PHACTR3: variants seen among roughly 807,000 people sequenced by gnomAD.
PHACTR3 encodes protein phosphatase 1, regulatory subunit 123.
In PHACTR3, 16 loss-of-function variants were observed where a neutral mutation model predicts 66.8. The ratio of observed to expected loss-of-function variants is 0.24; its 90% confidence interval spans 0.16 to 0.36. PHACTR3 has a LOEUF of 0.36. PHACTR3 is among the 10% of genes least tolerant of loss of function. PHACTR3 has a pLI of 1.00. For missense variants in PHACTR3, 647 were observed against 719.9 expected (o/e 0.90, Z 1.16); for synonymous variants, 323 against 292.1 (o/e 1.11, Z -1.08).
intron 1 of PHACTR3, among the ~76,000 whole-genome samples, chr20:59,668,736 T>C (rs1568691060): frequency 6.6e-6 from 1 of 152,108 alleles, no homozygotes; most frequent in Admixed American, 6.6e-5. Flanking sequence ...AGTTTCTTTC[T>C]TGTTGCCTAG....
At chr20:59,839,998 CTTTT>C (rs549753064) in intron 9 of PHACTR3, among the ~76,000 whole-genome samples, 1 of 152,080 alleles carries the variant, frequency 6.6e-6, no homozygotes, top group Admixed American at 6.5e-5. Flanking sequence ...TCTACTACAG[CTTTT>C]TTTATGTGGC....
At chr20:59,739,304 C>T (rs1447000397) in intron 1 of PHACTR3, among the ~76,000 whole-genome samples, 1 of 152,152 alleles carries the variant, frequency 6.6e-6, no homozygotes, top group African/African-American at 2.4e-5. Flanking sequence ...CTTTGTGGAG[C>T]ATCTGTGGAC....
rs1045105665 is a variant in PHACTR3, at chr20:59,834,552, T to G, written c.1329-1953T>G. On this transcript the variant is annotated intron_variant, in intron 8 of 12. Transcript: ENST00000371015. Reference sequence around the variant, plus strand: ...CTGTACCAAGTGGATTCTGTGTAACTCTCTCAGAAGTTTCCTCTTCCATGA... The same window carrying G: ...CTGTACCAAGTGGATTCTGTGTAACGCTCTCAGAAGTTTCCTCTTCCATGA... Among the ~76,000 whole-genome samples the G allele has an allele frequency of 2.6e-5, 4 of 152,212 alleles. No homozygotes were observed. The East Asian group carries it at 7.7e-4, about 29-fold the overall frequency.
chr20:59,656,233 T>A (rs1368337643), intron 1 of PHACTR3, among the ~76,000 whole-genome samples: 1 of 151,908 alleles, frequency 6.6e-6, no homozygotes. Flanking sequence ...TATTCATGAG[T>A]GAAAGTGGGA....
At chr20:59,728,607 G>T (rs1211709260) in intron 1 of PHACTR3, among the ~76,000 whole-genome samples, 1 of 151,934 alleles carries the variant, frequency 6.6e-6, no homozygotes, top group Admixed American at 6.6e-5. Flanking sequence ...AACTCCTATT[G>T]ATTTTTTCAA....
At chr20:59,831,293 G>A (rs988482930) in intron 8 of PHACTR3, among the ~76,000 whole-genome samples, 1 of 152,146 alleles carries the variant, frequency 6.6e-6, no homozygotes, top group Non-Finnish European at 1.5e-5. Context: ...CCTCTTCCTG[G>A]CTCCCCAGCC....
rs113124791 is a variant in PHACTR3, at chr20:59,682,784, G to A, written c.119-60323G>A. Among the ~76,000 whole-genome samples, 594 of 152,296 alleles carry A rather than the reference G, an allele frequency of 3.9e-3. 4 individuals carry two copies. The highest frequency in any genetic ancestry group is 0.014 in the African/African-American group (579 of 41,566). On this transcript the variant is annotated intron_variant, in intron 1 of 12. Coordinates refer to ENST00000371015, the MANE Select transcript of PHACTR3 (RefSeq NM_080672.5). ...CCCCGAATAAGAGCCGGCCTGGTGG[G>A]TTCCAGGAACAGGGAGGAGGAGCCC...
chr20:59,722,897 G>A (rs897153896), intron 1 of PHACTR3, among the ~76,000 whole-genome samples: 7 of 152,052 alleles, frequency 4.6e-5, no homozygotes, highest in Non-Finnish European at 4.4e-5. Context: ...TGGGTCCCAC[G>A]TGCTATCAGA....
Position 59,584,422 on chromosome 20 carries a change from G to A in PHACTR3, c.109+6805G>A, listed in dbSNP as rs562511256. Among the ~76,000 whole-genome samples the A allele has an allele frequency of 2.0e-5, 3 of 151,876 alleles. No individual in the cohort carries two copies. The South Asian group carries it at 6.2e-4, about 32-fold the overall frequency. On this transcript the variant is annotated intron_variant, in intron 1 of 12. Coordinates refer to the PHACTR3 transcript ENST00000359926. ...GGAGTGTGCGTGCCTGTGTGTGTAT[G>A]CATGTGTGTGAGGGTGTGAAGCCGT...
chr20:59,841,408 C>T lies in PHACTR3; in HGVS notation c.1460C>T (p.Pro487Leu). The T allele has an allele frequency of 1.2e-6, 2 of 1,611,316 alleles. No homozygotes were observed. Among genetic ancestry groups the T allele is most frequent in the Non-Finnish European group, 1.7e-6 (2 of 1,178,652 alleles). Residue 487 changes from proline to leucine, a missense_variant, in exon 11 of 13, where the codon CCC (proline) becomes CTC (leucine). Coordinates refer to ENST00000371015, the MANE Select transcript of PHACTR3 (RefSeq NM_080672.5). ...QRLTRKLNQR[P>L]TVDELRDRKI... is the part of the protein sequence containing the mutation. Reference sequence around the variant, plus strand: ...CTTTAATTTTAGCTTAATCAGAGACCCACTGTTGATGAATTAAGAGACAGA... The same window carrying T: ...CTTTAATTTTAGCTTAATCAGAGACTCACTGTTGATGAATTAAGAGACAGA...
At chr20:59,589,620 T>G (rs1017672335) in intron 1 of PHACTR3, among the ~76,000 whole-genome samples, 5 of 152,196 alleles carry the variant, frequency 3.3e-5, no homozygotes, top group Non-Finnish European at 5.9e-5. Flanking sequence ...ATCTGTGCTG[T>G]GGTGAGTCCG....
At chr20:59,680,284 G>A (rs1245271443) in intron 1 of PHACTR3, among the ~76,000 whole-genome samples, 1 of 152,176 alleles carries the variant, frequency 6.6e-6, no homozygotes, top group African/African-American at 2.4e-5. Flanking sequence ...GGACTTACAT[G>A]CAGGGAAGAG....
intron 8 of PHACTR3, among the ~76,000 whole-genome samples, chr20:59,806,855 A>G (rs1369384357): frequency 6.6e-6 from 1 of 152,240 alleles, no homozygotes; most frequent in African/African-American, 2.4e-5. Flanking sequence ...CGTACAGCAC[A>G]TGACTCTACC....
Position 59,736,903 on chromosome 20 carries a change from C to A in PHACTR3, c.119-6204C>A, listed in dbSNP as rs1481640667. Among the ~76,000 whole-genome samples the A allele has an allele frequency of 6.6e-6, 1 of 152,154 alleles. No individual in the cohort carries two copies. Among genetic ancestry groups the A allele is most frequent in the Non-Finnish European group, 1.5e-5 (1 of 68,018 alleles). ...CAAGGGGGATGCAGAGCAGCACAGC[C>A]TGGGGCCCCTGGGCATGGGGTCTTC... On this transcript the variant is annotated intron_variant, in intron 1 of 12. Coordinates refer to ENST00000371015, the MANE Select transcript of PHACTR3 (RefSeq NM_080672.5). The surrounding 1 kb of genome is among the most constrained non-coding windows in gnomAD (Gnocchi z 4.6).
intron 4 of PHACTR3, among the ~76,000 whole-genome samples, chr20:59,760,723 G>A (rs2039968933): frequency 6.6e-6 from 1 of 152,090 alleles, no homozygotes; most frequent in Non-Finnish European, 1.5e-5. Context: ...TGCCACACCA[G>A]CAACAGAGCA....
chr20:59,604,351 G>T (rs1011176028), upstream of PHACTR3, among the ~76,000 whole-genome samples: 1 of 152,038 alleles, frequency 6.6e-6, no homozygotes, highest in East Asian at 1.9e-4. Context: ...ACGGCTTGGT[G>T]GGGTGGGCGG....
upstream of PHACTR3, among the ~76,000 whole-genome samples, chr20:59,602,482 T>A (rs529000514): frequency 1.4e-3 from 213 of 149,100 alleles, 1 homozygote; most frequent in Middle Eastern, 0.014. Flanking sequence ...AGAAAAAATA[T>A]GTTTAAGTGC....
At chr20:59,596,114 G>A (rs2033320998) in intron 1 of PHACTR3, among the ~76,000 whole-genome samples, 2 of 152,110 alleles carry the variant, frequency 1.3e-5, no homozygotes, top group South Asian at 2.1e-4. Context: ...ACATCATCAA[G>A]TAGTGTTGTC....
At chr20:59,746,899 C>T (rs74785851) in intron 2 of PHACTR3, among the ~76,000 whole-genome samples, 6,433 of 152,240 alleles carry the variant, frequency 0.042, 246 homozygotes, top group East Asian at 0.21. Context: ...TTGGGAAAGG[C>T]GGGGAAATCA....
Sources: gnomAD v4.1 joint callset for allele counts (sites outside exome capture counted in the v4.1 genomes callset) on GRCh38, gnomAD v4.1.1 for gene constraint, Gnocchi (gnomAD v3.1) non-coding constraint, MANE v1.5 for transcripts, NCBI Gene and HGNC (gene_info 2026-07-23, HGNC 2026-07-21) for gene names.